PCDHGB3: variants seen among roughly 807,000 people sequenced by gnomAD.
PCDHGB3 encodes protocadherin gamma-B3.
Under a neutral mutation model 59.2 loss-of-function variants are expected in PCDHGB3, and 40 were observed. The observed-to-expected ratio is 0.68, with a 90% CI of 0.52 to 0.88. The LOEUF (loss-of-function observed/expected upper bound fraction) is 0.88. Ranked by LOEUF, PCDHGB3 falls within the 40% of genes least tolerant of loss-of-function variation. The pLI is 0.00. For missense variants in PCDHGB3, 1,309 were observed against 1,187.9 expected, an observed-to-expected ratio of 1.10 and a Z score of -1.50; for synonymous variants, 581 against 503.6, an observed-to-expected ratio of 1.15 and a Z score of -2.06.
At chr5:141,388,594 A>G in intron 1 of PCDHGB3, 1 of 1,613,936 alleles carries the variant, frequency 6.2e-7, no homozygotes, top group Non-Finnish European at 8.5e-7. Context: ...GATGCCAATG[A>G]TAATGCTCCA....
chr5:141,456,700 C>G (rs1420857227), intron 1 of PCDHGB3, among the ~76,000 whole-genome samples: 2 of 152,060 alleles, frequency 1.3e-5, no homozygotes, highest in Admixed American at 1.3e-4. Flanking sequence ...CGTGGTGGCT[C>G]GCGCCTGTAA....
intron 1 of PCDHGB3, among the ~76,000 whole-genome samples, chr5:141,453,047 G>A (rs930795400): frequency 1.3e-5 from 2 of 152,172 alleles, no homozygotes; most frequent in African/African-American, 4.8e-5. Context: ...TTTCTATTAT[G>A]TGCAGTTTTA....
At chr5:141,507,009 C>T (rs988626142) in intron 3 of PCDHGB3, 1 of 152,154 alleles carries the variant, frequency 6.6e-6, no homozygotes, top group South Asian at 2.1e-4. Context: ...ATGAGAGAAC[C>T]GAGAAGGCAC....
intron 1 of PCDHGB3, among the ~76,000 whole-genome samples, chr5:141,482,652 G>C (rs1276348234): frequency 6.6e-6 from 1 of 152,074 alleles, no homozygotes; most frequent in African/African-American, 2.4e-5. Flanking sequence ...GGTGATGCTT[G>C]AGCTATGATC....
intron 1 of PCDHGB3, chr5:141,375,379 G>C (rs763011403): frequency 1.2e-6 from 2 of 1,613,794 alleles, no homozygotes; most frequent in Non-Finnish European, 1.7e-6. Context: ...CACCACCTCT[G>C]TCTACAGAAA....
intron 1 of PCDHGB3, chr5:141,419,208 C>G: frequency 5.6e-6 from 9 of 1,613,966 alleles, no homozygotes; most frequent in Non-Finnish European, 6.8e-6. Flanking sequence ...GACAACGCGC[C>G]GGTTTTCGGA....
rs376209053 is a variant in PCDHGB3, at chr5:141,410,666, T to A, written c.2415+37857T>A. On this transcript the variant is annotated intron_variant, in intron 1 of 3. Transcript: ENST00000576222. ...TGTGATTTATCTAATAGTCTACTAG[T>A]TTCTCATATTTTAGGCATACTACTT... is the stretch of plus-strand genomic sequence containing the variant. 2.6e-6 allele frequency: 4 copies of A among 1,565,890 alleles called. No homozygotes were observed. In the African/African-American group the frequency reaches 5.5e-5, roughly 21 times the overall value.
Position 141,477,514 on chromosome 5 carries a change from T to G in PCDHGB3, c.2416-17293T>G. 1 of 1,614,114 alleles carries G rather than the reference T, an allele frequency of 6.2e-7. No individual in the cohort carries two copies. Among genetic ancestry groups the G allele is most frequent in the Non-Finnish European group, 8.5e-7 (1 of 1,180,026 alleles). On this transcript the variant is annotated intron_variant, in intron 1 of 3. Coordinates refer to ENST00000576222, the MANE Select transcript of PCDHGB3 (RefSeq NM_018924.5). The surrounding 1 kb of genome is among the most constrained non-coding windows in gnomAD (Gnocchi z 4.9). Reference sequence around the variant, plus strand: ...CTCAATCTTCCTACGACGTTTACATTGAAGAAAACAACCTCCCCGGGGCTC... The same window carrying G: ...CTCAATCTTCCTACGACGTTTACATGGAAGAAAACAACCTCCCCGGGGCTC...
At chr5:141,388,920 A>G in intron 1 of PCDHGB3, 2 of 1,613,996 alleles carry the variant, frequency 1.2e-6, no homozygotes, top group Non-Finnish European at 1.7e-6. Flanking sequence ...CCCAGAAGTG[A>G]TATTCCAGTC....
rs143362044 is a variant in PCDHGB3, at chr5:141,511,092, C to T, written c.2709C>T (p.Asn903=). The T allele has an allele frequency of 4.5e-5, 73 of 1,614,088 alleles. No homozygotes were observed. Among genetic ancestry groups the T allele is most frequent in the Admixed American group, 1.5e-4 (9 of 60,012 alleles). ...YIPGSNATLT[N]AAGKRDGKAP... is the part of the protein sequence containing the mutation. ...CAGGCAGCAATGCCACACTGACCAA[C>T]GCAGCTGGCAAGCGGGATGGCAAGG... The change falls in exon 4 of 4, where the codon AAC becomes AAT. Residue 903 remains asparagine, a synonymous_variant. Coordinates refer to ENST00000576222, the MANE Select transcript of PCDHGB3 (RefSeq NM_018924.5).
At chr5:141,466,180 A>T (rs566514149) in intron 1 of PCDHGB3, among the ~76,000 whole-genome samples, 100 of 151,254 alleles carry the variant, frequency 6.6e-4, no homozygotes, top group African/African-American at 2.1e-3. Context: ...TTTTATTTTT[A>T]TTTTTTTTCA....
At chr5:141,384,938 C>T (rs754481008) in intron 1 of PCDHGB3, 26 of 1,613,824 alleles carry the variant, frequency 1.6e-5, no homozygotes, top group Non-Finnish European at 2.2e-5. Flanking sequence ...AGCCTTGAGC[C>T]CTCCGACGGT....
At chr5:141,418,908 C>A in intron 1 of PCDHGB3, 1 of 1,613,932 alleles carries the variant, frequency 6.2e-7, no homozygotes, top group South Asian at 1.1e-5. Flanking sequence ...ATAATCATCA[C>A]GTCACTCTCT....
At chr5:141,399,315 T>C in intron 1 of PCDHGB3, 2 of 1,613,878 alleles carry the variant, frequency 1.2e-6, no homozygotes, top group Non-Finnish European at 8.5e-7. Flanking sequence ...CATCCAAAAA[T>C]TCGTATAAGT....
At chr5:141,447,798 A>G (rs2098551922) in intron 1 of PCDHGB3, among the ~76,000 whole-genome samples, 2 of 152,230 alleles carry the variant, frequency 1.3e-5, no homozygotes, top group Admixed American at 1.3e-4. Context: ...TTAAGAAAAT[A>G]AAATTGGCTG....
intron 1 of PCDHGB3, chr5:141,376,537 G>A (rs753618601): frequency 1.2e-6 from 2 of 1,613,388 alleles, no homozygotes; most frequent in African/African-American, 1.3e-5. Context: ...AGCGGGAAGA[G>A]TAATCTGATC....
chr5:141,422,286 T>C, intron 1 of PCDHGB3: 2 of 1,554,938 alleles, frequency 1.3e-6, no homozygotes, highest in Non-Finnish European at 1.7e-6. Flanking sequence ...TCACCTCTTC[T>C]ATTAATTCAA....
intron 1 of PCDHGB3, chr5:141,394,183 A>G: frequency 1.2e-6 from 2 of 1,613,702 alleles, no homozygotes; most frequent in Non-Finnish European, 1.7e-6. Context: ...CATGCCTCCT[A>G]CTCAGCGTAT....
intron 1 of PCDHGB3, among the ~76,000 whole-genome samples, chr5:141,457,424 C>T (rs1261475379): frequency 6.6e-6 from 1 of 152,068 alleles, no homozygotes; most frequent in Non-Finnish European, 1.5e-5. Context: ...TCCCTTTTTC[C>T]CCCCCACCAA....
Sources: gnomAD v4.1 joint callset for allele counts (sites outside exome capture counted in the v4.1 genomes callset) on GRCh38, gnomAD v4.1.1 for gene constraint, Gnocchi (gnomAD v3.1) non-coding constraint, MANE v1.5 for transcripts, NCBI Gene and HGNC (gene_info 2026-07-23, HGNC 2026-07-21) for gene names.